The following GSK3B variants were observed in gnomAD, a reference collection of about 807,000 sequenced individuals.
The protein encoded by GSK3B is glycogen synthase kinase 3 beta.
A neutral mutation model predicts 56.4 loss-of-function variants in GSK3B; 15 were observed. The observed-to-expected ratio is 0.27, with a 90% CI of 0.18 to 0.41. The LOEUF is 0.41. GSK3B is among the 10% of genes least tolerant of loss of function. The pLI is 1.00. For synonymous variants in GSK3B, 181 were observed against 188.9 expected, an observed-to-expected ratio of 0.96 and a Z score of 0.34; for missense variants, 300 against 513.4, an observed-to-expected ratio of 0.58 and a Z score of 4.02.
chr3:120,014,822 T>C (rs930742304), intron 1 of GSK3B, among the ~76,000 whole-genome samples: 3 of 152,104 alleles, frequency 2.0e-5, no homozygotes, highest in Admixed American at 6.5e-5. Flanking sequence ...CTTCCGGAGA[T>C]GTTTACTTGT....
Position 119,968,454 on chromosome 3 carries a change from A to C in GSK3B, c.283-21103T>G, listed in dbSNP as rs78497073. On this transcript the variant is annotated intron_variant, in intron 2 of 10. Transcript: ENST00000264235. ...CAATGTATAAAAATACTTATACATCACGAGCAAGTGACATTTATTCCAGGT... is the reference window on the plus strand; with the variant it reads ...CAATGTATAAAAATACTTATACATCCCGAGCAAGTGACATTTATTCCAGGT... 4.9e-3 allele frequency among the ~76,000 whole-genome samples: 751 copies of C among 152,358 alleles called. 3 individuals are homozygous for C. The highest frequency in any genetic ancestry group is 0.017 in the African/African-American group (705 of 41,580).
chr3:119,981,101 G>A (rs1261378813), intron 2 of GSK3B, among the ~76,000 whole-genome samples: 2 of 152,204 alleles, frequency 1.3e-5, no homozygotes, highest in Admixed American at 6.5e-5. Flanking sequence ...ACGACACGTG[G>A]AGTTAAATGC....
In GSK3B at chr3:119,825,085, TG is replaced by T; in HGVS notation, c.*1702del. On this transcript the variant is annotated 3_prime_UTR_variant, in exon 11 of 11. Transcript: ENST00000264235. Reference sequence around the variant, plus strand: ...TTACCAGCTAACCTTGGAAGGCATGTGGGGAAGGAGCGGGTAGGAGGGAAAG... The same window carrying T: ...TTACCAGCTAACCTTGGAAGGCATGTGGGAAGGAGCGGGTAGGAGGGAAAG... 5.0e-6 allele frequency: 1 copy of T among 198,020 alleles called. No homozygotes were observed. Among genetic ancestry groups the T allele is most frequent in the East Asian group, 7.9e-5 (1 of 12,728 alleles). 12.3% of individuals were successfully genotyped at this position (198,020 alleles called of 1,614,324 possible).
At chr3:119,861,526 AAAAC>A (rs201757793) in intron 9 of GSK3B, among the ~76,000 whole-genome samples, 729 of 151,352 alleles carry the variant, frequency 4.8e-3, no homozygotes, top group African/African-American at 0.013. Context: ...AAAAAAAAAC[AAAAC>A]AAACAAACAA....
chr3:120,084,763 A>C (rs2058449604), intron 1 of GSK3B: 1 of 152,212 alleles, frequency 6.6e-6, no homozygotes, highest in African/African-American at 2.4e-5. Flanking sequence ...AAGACTATTA[A>C]CATTTTACCT....
intron 7 of GSK3B, among the ~76,000 whole-genome samples, chr3:119,899,523 A>G (rs1467348441): frequency 2.6e-5 from 4 of 152,140 alleles, no homozygotes; most frequent in African/African-American, 9.7e-5. Flanking sequence ...TCATTTCCCA[A>G]TATTGGAAAA....
chr3:119,958,151 G>A (rs939880601), intron 2 of GSK3B, among the ~76,000 whole-genome samples: 1 of 152,026 alleles, frequency 6.6e-6, no homozygotes, highest in African/African-American at 2.4e-5. Flanking sequence ...TCTCCTGCAC[G>A]ATGACTCTCT....
chr3:120,014,772 A>T (rs2057809715), intron 1 of GSK3B, among the ~76,000 whole-genome samples: 1 of 152,226 alleles, frequency 6.6e-6, no homozygotes. Flanking sequence ...ATAAAAGGAG[A>T]GGCAGAGAAA....
intron 10 of GSK3B, among the ~76,000 whole-genome samples, chr3:119,842,344 T>A (rs574921450): frequency 4.6e-5 from 7 of 152,254 alleles, no homozygotes; most frequent in Admixed American, 4.6e-4. Flanking sequence ...AAGAGTCTTG[T>A]CACATTCTGA....
chr3:119,894,892 T>A (rs1217221363), intron 7 of GSK3B, among the ~76,000 whole-genome samples: 1 of 152,184 alleles, frequency 6.6e-6, no homozygotes, highest in African/African-American at 2.4e-5. Flanking sequence ...AGGTCTTTGA[T>A]TCATTCTGAA....
chr3:119,956,420 T>TTTCAGAC (rs1411720398), intron 2 of GSK3B, among the ~76,000 whole-genome samples: 1 of 152,162 alleles, frequency 6.6e-6, no homozygotes, highest in Non-Finnish European at 1.5e-5. Context: ...ACCAAAAGTG[T>TTTCAGAC]TTCAGACTTC....
Position 119,826,026 on chromosome 3 carries a change from G to A in GSK3B, c.*762C>T, listed in dbSNP as rs1458437081. The A allele has an allele frequency of 4.5e-6, 1 of 220,056 alleles. No individual in the cohort carries two copies. Among genetic ancestry groups the A allele is most frequent in the Non-Finnish European group, 9.1e-6 (1 of 110,112 alleles). The allele number at this position is 220,056 out of a possible 1,614,324, so 13.6% of individuals were successfully genotyped here. ...AAAGAACTTTGGTCAGGCAAACAAAGAGCCACCTGTAGAGCATGTGTGCCT... is the reference window on the plus strand; with the variant it reads ...AAAGAACTTTGGTCAGGCAAACAAAAAGCCACCTGTAGAGCATGTGTGCCT... On this transcript the variant is annotated 3_prime_UTR_variant, in exon 11 of 11. Transcript: ENST00000264235.
chr3:119,990,859 C>T lies in GSK3B; in HGVS notation c.282+11187G>A, dbSNP rs143900961. On this transcript the variant is annotated intron_variant, in intron 2 of 10. Transcript: ENST00000264235. ...AGGAGAATTGCTTGAACCCAGGAGG[C>T]GGAGGTTGCAGTGAGACAAGATTGC... is the stretch of plus-strand genomic sequence containing the variant. Among the ~76,000 whole-genome samples the T allele has an allele frequency of 8.2e-3, 1,255 of 152,216 alleles. 4 individuals carry two copies. The highest frequency in any genetic ancestry group is 0.013 in the Non-Finnish European group (894 of 67,992).
At chr3:120,088,076 T>C (rs1559908497) in intron 1 of GSK3B, among the ~76,000 whole-genome samples, 2 of 152,192 alleles carry the variant, frequency 1.3e-5, no homozygotes, top group Non-Finnish European at 2.9e-5. Flanking sequence ...GTATTTTTAG[T>C]AGAGACGGGG....
chr3:119,900,632 A>G (rs562090606), intron 7 of GSK3B, among the ~76,000 whole-genome samples: 236 of 152,272 alleles, frequency 1.5e-3, no homozygotes, highest in African/African-American at 5.5e-3. Flanking sequence ...TATGTAAGAA[A>G]GTTAATAATC....
intron 1 of GSK3B, among the ~76,000 whole-genome samples, chr3:120,007,775 A>T (rs2057742386): frequency 6.6e-6 from 1 of 152,196 alleles, no homozygotes; most frequent in Admixed American, 6.5e-5. Context: ...TCTCAACATA[A>T]CAAGAGCTAT....
At position 119,863,406 on chromosome 3, in the gene GSK3B, T is replaced by C. The variant is rs771604810; in HGVS notation, c.1096+13A>G. 1 of 1,604,232 alleles carries C rather than the reference T, an allele frequency of 6.2e-7. No individual in the cohort carries two copies. ...TCCTAGAACTGGTGAAGAGGCTAAG[T>C]GTTTGGAGTTACCTTGAGTGGTGAA... On this transcript the variant is annotated intron_variant, in intron 9 of 10. Coordinates refer to ENST00000264235, the MANE Select transcript of GSK3B (RefSeq NM_001146156.2).
intron 1 of GSK3B, among the ~76,000 whole-genome samples, chr3:120,025,579 G>C (rs2057915919): frequency 6.6e-6 from 1 of 152,138 alleles, no homozygotes; most frequent in African/African-American, 2.4e-5. Context: ...CACATGAATA[G>C]AAAATTTCGT....
intron 1 of GSK3B, among the ~76,000 whole-genome samples, chr3:120,020,038 C>T (rs2057859017): frequency 6.6e-6 from 1 of 152,204 alleles, no homozygotes; most frequent in Non-Finnish European, 1.5e-5. Context: ...ATCTGTTTAT[C>T]AGCTAAAGCT....
Sources: allele counts gnomAD v4.1 joint callset (sites outside exome capture counted in the v4.1 genomes callset), GRCh38; gene constraint gnomAD v4.1.1; transcripts MANE v1.5; gene names NCBI Gene and HGNC (gene_info 2026-07-23, HGNC 2026-07-21).